Variants in BAZ2B observed in about 807,000 individuals in gnomAD.
BAZ2B encodes the protein bromodomain adjacent to zinc finger domain 2B.
Under a neutral mutation model 246.0 loss-of-function variants are expected in BAZ2B, and 91 were observed. The observed-to-expected ratio is 0.37, with a 90% CI of 0.31 to 0.44. BAZ2B has a LOEUF of 0.44. BAZ2B is among the 20% of genes least tolerant of loss of function. BAZ2B has a pLI of 1.00. For synonymous variants in BAZ2B, 855 were observed against 860.0 expected (o/e 0.99, Z 0.10); for missense variants, 2,332 against 2,533.7 (o/e 0.92, Z 1.71).
At chr2:159,525,112 T>A (rs1178374183) in intron 2 of BAZ2B, among the ~76,000 whole-genome samples, 1 of 152,104 alleles carries the variant, frequency 6.6e-6, no homozygotes, top group Non-Finnish European at 1.5e-5. Flanking sequence ...ACTGAGGATG[T>A]CAGAAAAAAG....
At chr2:159,478,767 T>G (rs758367719) in intron 2 of BAZ2B, 46 bp from the exon 3 acceptor site, 114 of 1,379,146 alleles carry the variant, frequency 8.3e-5, no homozygotes, top group Non-Finnish European at 1.0e-4. Context: ...ATAAAAAATT[T>G]TTTCAAAAGA....
At chr2:159,577,881 G>T (rs1685731569) in intron 1 of BAZ2B, among the ~76,000 whole-genome samples, 1 of 152,068 alleles carries the variant, frequency 6.6e-6, no homozygotes, top group African/African-American at 2.4e-5. Context: ...GTAATTAAAA[G>T]AATTATTCAA....
intron 27 of BAZ2B, among the ~76,000 whole-genome samples, chr2:159,370,051 T>A (rs1242300121): frequency 6.6e-6 from 1 of 152,122 alleles, no homozygotes; most frequent in Non-Finnish European, 1.5e-5. Context: ...ACCATCATTC[T>A]CAGCAAACTA....
chr2:159,597,633 T>C (rs1278545791), intron 1 of BAZ2B, among the ~76,000 whole-genome samples: 1 of 152,190 alleles, frequency 6.6e-6, no homozygotes, highest in Non-Finnish European at 1.5e-5. Context: ...TTCAAGCGAT[T>C]CTCCTGCCTC....
the BAZ2B span, among the ~76,000 whole-genome samples, chr2:159,684,578 T>G: frequency 6.6e-6 from 1 of 152,200 alleles, no homozygotes; most frequent in Non-Finnish European, 1.5e-5. Context: ...CATGGTCCAC[T>G]GCAGCCTCAA....
intron 33 of BAZ2B, among the ~76,000 whole-genome samples, chr2:159,335,439 C>T (rs961196632): frequency 1.6e-4 from 24 of 150,928 alleles, no homozygotes; most frequent in Admixed American, 5.3e-4. Context: ...CCCAGCTACT[C>T]GGGAGGCTGA....
the BAZ2B span, among the ~76,000 whole-genome samples, chr2:159,692,913 A>T: frequency 6.6e-6 from 1 of 152,178 alleles, no homozygotes. Context: ...GGCTCAAGCC[A>T]TCCTCCTTTC....
chr2:159,705,686 G>A, the BAZ2B span, among the ~76,000 whole-genome samples: 2 of 152,142 alleles, frequency 1.3e-5, no homozygotes, highest in Non-Finnish European at 2.9e-5. Flanking sequence ...TTTTTAAGAT[G>A]TAAGAGATCA....
chr2:159,563,436 A>G (rs2090070656), intron 1 of BAZ2B, among the ~76,000 whole-genome samples: 2 of 152,226 alleles, frequency 1.3e-5, no homozygotes, highest in South Asian at 4.1e-4. Context: ...AGGGTCACAG[A>G]TGAAAGAGGA....
chr2:159,385,834 T>G (rs2062590511), intron 22 of BAZ2B, among the ~76,000 whole-genome samples: 1 of 152,096 alleles, frequency 6.6e-6, no homozygotes, highest in African/African-American at 2.4e-5. Context: ...AACAGGTGCA[T>G]CTGGGAGGTT....
chr2:159,538,710 G>A (rs2086301210), intron 2 of BAZ2B, among the ~76,000 whole-genome samples: 1 of 152,196 alleles, frequency 6.6e-6, no homozygotes, highest in Non-Finnish European at 1.5e-5. Flanking sequence ...CAATTCCTTT[G>A]TTTATAATCA....
At chr2:159,555,570 T>C (rs1482725537) in intron 2 of BAZ2B, 1 of 152,232 alleles carries the variant, frequency 6.6e-6, no homozygotes, top group Non-Finnish European at 1.5e-5. Flanking sequence ...ATTTAGTATA[T>C]TTAGGCCTGT....
In BAZ2B at chr2:159,337,440, C is replaced by G. The variant is rs760214543; in HGVS notation, c.5660+127G>C. 8 of 1,573,648 alleles carry G rather than the reference C, an allele frequency of 5.1e-6. No homozygotes were observed. In the South Asian group the frequency reaches 6.9e-5, roughly 13 times the overall value. ...TTAGCAAAGAAGCACAATAATTTTTCAAGTTAATCTCAATAACCTACCCGT... is the reference window on the plus strand; with the variant it reads ...TTAGCAAAGAAGCACAATAATTTTTGAAGTTAATCTCAATAACCTACCCGT... On this transcript the variant is annotated intron_variant, in intron 32 of 36. Transcript: ENST00000392783.
chr2:159,462,640 C>A (rs1186810851), intron 3 of BAZ2B: 13 of 966,600 alleles, frequency 1.3e-5, no homozygotes, highest in Non-Finnish European at 2.0e-5. Flanking sequence ...GACTAACCAA[C>A]TGAACACTGC....
intron 2 of BAZ2B, among the ~76,000 whole-genome samples, chr2:159,487,593 C>T (rs1036756243): frequency 3.9e-5 from 6 of 152,052 alleles, no homozygotes; most frequent in Admixed American, 2.6e-4. Flanking sequence ...TGATCATATT[C>T]CTAGTTCTGC....
chr2:159,589,912 C>A (rs1313016055), intron 1 of BAZ2B, among the ~76,000 whole-genome samples: 1 of 152,056 alleles, frequency 6.6e-6, no homozygotes. Flanking sequence ...CAAGGCCGGG[C>A]CCGATGGTTC....
At chr2:159,568,318 A>G (rs1683131552) in intron 1 of BAZ2B, among the ~76,000 whole-genome samples, 1 of 152,246 alleles carries the variant, frequency 6.6e-6, no homozygotes, top group Non-Finnish European at 1.5e-5. Flanking sequence ...GGTAGATATT[A>G]AAGCAGCATG....
At chr2:159,536,707 T>C (rs1280747876) in intron 2 of BAZ2B, among the ~76,000 whole-genome samples, 1 of 152,184 alleles carries the variant, frequency 6.6e-6, no homozygotes, top group Non-Finnish European at 1.5e-5. Flanking sequence ...AGTTTTTACA[T>C]GGCACATCAA....
In BAZ2B at chr2:159,352,314, A is replaced by T. The variant is rs149094924; in HGVS notation, c.4214-1957T>A. On this transcript the variant is annotated intron_variant, in intron 27 of 36. Coordinates refer to ENST00000392783, the MANE Select transcript of BAZ2B (RefSeq NM_013450.4). ...TATTTCCTTACGGAGATTTTCTCTG[A>T]TCACCTTATCTAAAATTAGGACCCC... 2.0e-5 allele frequency among the ~76,000 whole-genome samples: 3 copies of T among 152,124 alleles called. No individual in the cohort carries two copies. In the East Asian group the frequency reaches 5.8e-4, roughly 29 times the overall value.
Sources: allele counts gnomAD v4.1 joint callset (sites outside exome capture counted in the v4.1 genomes callset), GRCh38; gene constraint gnomAD v4.1.1; transcripts MANE v1.5; gene names NCBI Gene and HGNC (gene_info 2026-07-23, HGNC 2026-07-21).